The following FRMPD1 variants were observed in gnomAD, a reference collection of about 807,000 sequenced individuals.
FRMPD1 encodes the protein FERM and PDZ domain-containing protein 1.
A neutral mutation model predicts 117.8 loss-of-function variants in FRMPD1; 76 were observed. The observed-to-expected ratio is 0.65, with a 90% CI of 0.54 to 0.78. FRMPD1 has a LOEUF of 0.78. Among genes scored for constraint, FRMPD1 ranks in the 30% least tolerant of loss-of-function variants. The pLI is 0.00. For synonymous variants in FRMPD1, 783 were observed against 770.4 expected (o/e 1.02, Z -0.27); for missense variants, 1,786 against 1,964.5 (o/e 0.91, Z 1.72).
chr9:37,637,463 G>A, the FRMPD1 span, among the ~76,000 whole-genome samples: 1 of 152,042 alleles, frequency 6.6e-6, no homozygotes, highest in Admixed American at 6.5e-5. Context: ...AACATACACG[G>A]TTGTGCAACC....
intron 2 of FRMPD1, among the ~76,000 whole-genome samples, chr9:37,704,712 A>G (rs572015305): frequency 4.5e-4 from 69 of 151,966 alleles, no homozygotes; most frequent in Non-Finnish European, 9.9e-4. Flanking sequence ...GTATTCATAA[A>G]TGTTATTAAT....
At chr9:37,659,935 C>A (rs57338130) in intron 1 of FRMPD1, among the ~76,000 whole-genome samples, 29,529 of 107,680 alleles carry the variant, frequency 0.27, 3,350 homozygotes, top group Middle Eastern at 0.33. Flanking sequence ...AAAAAAAAAA[C>A]AAAACTGAGG....
In FRMPD1 at chr9:37,732,392, G is replaced by C; in HGVS notation, c.947G>C (p.Arg316Pro). Residue 316 changes from arginine to proline, a missense_variant, in exon 10 of 16, where the codon CGG (arginine) becomes CCG (proline). Physicochemically the swap from Arg to Pro is moderately radical, Grantham distance 103. Transcript: ENST00000377765. ...CTCGCGGCTCTGCACATCCAGGAAC[G>C]GATCTACGCCTGTGCCCAGCCACAG... is the stretch of plus-strand genomic sequence containing the variant. ...LRLAALHIQE[R>P]IYACAQPQKI... 1 of 1,613,864 alleles carries C rather than the reference G, an allele frequency of 6.2e-7. No homozygotes were observed. Among genetic ancestry groups the C allele is most frequent in the Non-Finnish European group, 8.5e-7 (1 of 1,180,002 alleles).
At chr9:37,703,411 C>T (rs1309076214) in intron 2 of FRMPD1, among the ~76,000 whole-genome samples, 1 of 152,156 alleles carries the variant, frequency 6.6e-6, no homozygotes, top group African/African-American at 2.4e-5. Context: ...AATTCACTTG[C>T]TTTGAGCATG....
intron 1 of FRMPD1, among the ~76,000 whole-genome samples, chr9:37,691,768 G>C (rs1822146714): frequency 6.6e-6 from 1 of 152,220 alleles, no homozygotes; most frequent in Non-Finnish European, 1.5e-5. Flanking sequence ...GCCAGGTGCA[G>C]AGGCATGTGC....
At chr9:37,611,210 C>T in the FRMPD1 span, among the ~76,000 whole-genome samples, 5 of 152,172 alleles carry the variant, frequency 3.3e-5, no homozygotes, top group Non-Finnish European at 7.3e-5. Context: ...CCCTTCTTGA[C>T]CTTTGTACCA....
chr9:37,722,105 T>G (rs1823423395), intron 6 of FRMPD1, among the ~76,000 whole-genome samples: 1 of 152,150 alleles, frequency 6.6e-6, no homozygotes, highest in African/African-American at 2.4e-5. Flanking sequence ...GCCAGAGAAG[T>G]AAGATGGCAG....
chr9:37,733,391 T>C, intron 10 of FRMPD1, 82 bp from the exon 11 acceptor site: 1 of 1,351,220 alleles, frequency 7.4e-7, no homozygotes, highest in Admixed American at 2.1e-5. Context: ...CACTAAGTAC[T>C]GAATCAAATG....
At position 37,717,341 on chromosome 9, in the gene FRMPD1, ATGTG is replaced by A. The variant is rs59852335; in HGVS notation, c.409-1702_409-1699del. ...TATGTGTGTGTGTGTATGTGTATAT[ATGTG>A]TGTGTGTGTGTGTGTGTGTGTGTGT... is the stretch of plus-strand genomic sequence containing the variant. On this transcript the variant is annotated intron_variant, in intron 5 of 15. Coordinates refer to ENST00000377765, the MANE Select transcript of FRMPD1 (RefSeq NM_014907.3). Among the ~76,000 whole-genome samples, 200 of 120,150 alleles carry A rather than the reference ATGTG, an allele frequency of 1.7e-3. 3 individuals carry two copies. The highest frequency in any genetic ancestry group is 4.6e-3 in the Admixed American group (48 of 10,440). The allele number at this position is 120,150 out of a possible 152,430, so 78.8% of individuals were successfully genotyped here.
chr9:37,682,488 T>G (rs1486752219), intron 1 of FRMPD1, among the ~76,000 whole-genome samples: 1 of 152,212 alleles, frequency 6.6e-6, no homozygotes, highest in Admixed American at 6.5e-5. Flanking sequence ...AAATGCAATG[T>G]TAAGATAAAG....
chr9:37,658,291 G>C (rs1379255235), intron 1 of FRMPD1, among the ~76,000 whole-genome samples: 1 of 152,134 alleles, frequency 6.6e-6, no homozygotes, highest in Non-Finnish European at 1.5e-5. Flanking sequence ...CCCCTTCTGA[G>C]CTGTGCACTG....
At chr9:37,628,738 C>T in the FRMPD1 span, among the ~76,000 whole-genome samples, 1 of 152,220 alleles carries the variant, frequency 6.6e-6, no homozygotes. Flanking sequence ...TTAGGCCTGA[C>T]TTGACCAAAA....
In FRMPD1 at chr9:37,729,812, T is replaced by A; in HGVS notation, c.697T>A (p.Ser233Thr). ...ALALEEQYSI[S>T]RLHLLHEEEL... The stretch of plus-strand genomic sequence containing the variant: ...GGCCCTGGAAGAGCAGTACAGCATC[T>A]CCCGGCTGCACCTGCTGCACGAAGA... The change falls in exon 8 of 16, where the codon TCC (serine) becomes ACC (threonine). Residue 233 changes from serine (S) to threonine (T), a missense_variant. By Grantham distance (58) the Ser-to-Thr change is moderately conservative (BLOSUM62 1). Transcript: ENST00000377765. The A allele has an allele frequency of 6.2e-7, 1 of 1,614,028 alleles. No homozygotes were observed. The highest frequency in any genetic ancestry group is 8.5e-7 in the Non-Finnish European group (1 of 1,179,972).
At chr9:37,672,331 A>G (rs1821380491) in intron 1 of FRMPD1, among the ~76,000 whole-genome samples, 1 of 152,202 alleles carries the variant, frequency 6.6e-6, no homozygotes, top group African/African-American at 2.4e-5. Flanking sequence ...GAGATCCACT[A>G]GGTCTGGAAC....
At chr9:37,679,982 C>T (rs1821666086) in intron 1 of FRMPD1, among the ~76,000 whole-genome samples, 1 of 152,204 alleles carries the variant, frequency 6.6e-6, no homozygotes, top group African/African-American at 2.4e-5. Flanking sequence ...CGTTTCAGCC[C>T]TTTCCCACAC....
At chr9:37,708,292 AG>A in intron 3 of FRMPD1, 106 bp from the exon 4 acceptor site, 1 of 687,554 alleles carries the variant, frequency 1.5e-6, no homozygotes, top group African/African-American at 1.8e-5. Flanking sequence ...GGAGTGAGCC[AG>A]TGCCCCTGGG....
rs78766641 is a variant in FRMPD1, at chr9:37,722,150, T to C, written c.517-2075T>C. On this transcript the variant is annotated intron_variant, in intron 6 of 15. Coordinates refer to ENST00000377765, the MANE Select transcript of FRMPD1 (RefSeq NM_014907.3). ...CGGTCTGAAATCCCTCATCCTGATG[T>C]AGTGTGAAATGGCACTGGAATATGA... Among the ~76,000 whole-genome samples, 84 of 152,296 alleles carry C rather than the reference T, an allele frequency of 5.5e-4. No homozygotes were observed. The East Asian group carries it at 0.014, about 26-fold the overall frequency.
At chr9:37,742,210 T>C (rs1178074567) in intron 15 of FRMPD1, among the ~76,000 whole-genome samples, 1 of 152,218 alleles carries the variant, frequency 6.6e-6, no homozygotes, top group Non-Finnish European at 1.5e-5. Flanking sequence ...GGAGAAACCA[T>C]GGCCAGACTC....
intron 1 of FRMPD1, among the ~76,000 whole-genome samples, chr9:37,685,169 A>T (rs1312726945): frequency 6.6e-6 from 1 of 152,220 alleles, no homozygotes; most frequent in African/African-American, 2.4e-5. Flanking sequence ...AAATACATGA[A>T]CATAATCTTT....
Sources: allele counts gnomAD v4.1 joint callset (sites outside exome capture counted in the v4.1 genomes callset), GRCh38; gene constraint gnomAD v4.1.1; transcripts MANE v1.5; gene names NCBI Gene and HGNC (gene_info 2026-07-23, HGNC 2026-07-21).